MTUS2: variants seen among roughly 807,000 people sequenced by gnomAD.
The protein encoded by MTUS2 is microtubule-associated tumor suppressor candidate 2.
In MTUS2, 40 loss-of-function variants were observed where a neutral mutation model predicts 114.1. That is an observed-to-expected ratio of 0.35 (90% CI 0.27 to 0.46). MTUS2 has a LOEUF of 0.46. Ranked by LOEUF, MTUS2 falls within the 20% of genes least tolerant of loss-of-function variation. MTUS2 has a pLI of 1.00. For missense variants in MTUS2, 1,679 were observed against 1,705.4 expected (o/e 0.98, Z 0.27); for synonymous variants, 688 against 672.0 (o/e 1.02, Z -0.37).
chr13:29,379,539 G>T (rs1026761096), intron 8 of MTUS2, among the ~76,000 whole-genome samples: 4 of 152,134 alleles, frequency 2.6e-5, no homozygotes, highest in Admixed American at 2.6e-4. Flanking sequence ...GGTGTAAAAG[G>T]CAACTCCTCT....
At chr13:29,304,671 T>G (rs1899358239) in intron 6 of MTUS2, among the ~76,000 whole-genome samples, 1 of 152,110 alleles carries the variant, frequency 6.6e-6, no homozygotes, top group Non-Finnish European at 1.5e-5. Flanking sequence ...GGACTTAAAC[T>G]CCCACAGAAT....
chr13:29,484,395 C>G (rs952966375), intron 10 of MTUS2, among the ~76,000 whole-genome samples: 1 of 152,240 alleles, frequency 6.6e-6, no homozygotes, highest in African/African-American at 2.4e-5. Flanking sequence ...GCCCTTGTCT[C>G]TCAGCACCAG....
At chr13:29,122,559 A>G (rs1417577988) in intron 5 of MTUS2, among the ~76,000 whole-genome samples, 3 of 152,120 alleles carry the variant, frequency 2.0e-5, no homozygotes, top group Non-Finnish European at 4.4e-5. Flanking sequence ...GGGCCCTCCC[A>G]TGACATGTGG....
intron 2 of MTUS2, among the ~76,000 whole-genome samples, chr13:29,010,496 T>C (rs1276884555): frequency 6.6e-6 from 1 of 152,124 alleles, no homozygotes; most frequent in Non-Finnish European, 1.5e-5. Context: ...CTTGCCACTT[T>C]CCTAACACGT....
intron 2 of MTUS2, among the ~76,000 whole-genome samples, chr13:28,865,740 A>G (rs1416733945): frequency 1.3e-5 from 2 of 152,170 alleles, no homozygotes; most frequent in East Asian, 3.9e-4. Flanking sequence ...TGATTGAACC[A>G]GCAGAGAAGG....
At chr13:29,073,837 A>T (rs1211940421) in intron 4 of MTUS2, among the ~76,000 whole-genome samples, 5 of 151,442 alleles carry the variant, frequency 3.3e-5, no homozygotes, top group African/African-American at 1.2e-4. Flanking sequence ...TCAGTGGGAC[A>T]TGGTTTAACT....
At chr13:29,200,521 G>GGT (rs1309388936) in intron 5 of MTUS2, among the ~76,000 whole-genome samples, 1 of 85,432 alleles carries the variant, frequency 1.2e-5, no homozygotes, top group African/African-American at 5.0e-5. Context: ...TTCTTTTTCT[G>GGT]TTTTTTTTTT....
chr13:28,847,143 G>T (rs978257517), intron 2 of MTUS2, among the ~76,000 whole-genome samples: 1 of 152,156 alleles, frequency 6.6e-6, no homozygotes, highest in Non-Finnish European at 1.5e-5. Context: ...ATTTAGGATG[G>T]CAAGAGAAGC....
intron 5 of MTUS2, among the ~76,000 whole-genome samples, chr13:29,238,793 T>C (rs1896628578): frequency 6.6e-6 from 1 of 152,190 alleles, no homozygotes; most frequent in Non-Finnish European, 1.5e-5. Flanking sequence ...TGACACTCAG[T>C]ATTAACCATC....
chr13:29,063,363 C>G (rs941698297), intron 4 of MTUS2, among the ~76,000 whole-genome samples: 1 of 152,116 alleles, frequency 6.6e-6, no homozygotes, highest in African/African-American at 2.4e-5. Context: ...TTGTGTCAGA[C>G]TATGCAACCT....
rs559563094 is a variant in MTUS2 at position 29,474,656 on chromosome 13, T to C, written c.3185-5494T>C. 3.7e-4 allele frequency among the ~76,000 whole-genome samples: 57 copies of C among 152,268 alleles called. 1 individual carries two copies. The highest frequency in any genetic ancestry group is 1.4e-3 in the African/African-American group (57 of 41,562). On this transcript the variant is annotated intron_variant, in intron 9 of 15. Coordinates refer to ENST00000612955, the MANE Select transcript of MTUS2 (RefSeq NM_001033602.4). The stretch of plus-strand genomic sequence containing the variant: ...TCATTCCATGATACTACAAAAAGAT[T>C]TGCCTTATTTTTTTTACTGGTTATC...
chr13:28,933,075 C>T (rs1249151681), intron 2 of MTUS2, among the ~76,000 whole-genome samples: 1 of 151,166 alleles, frequency 6.6e-6, no homozygotes, highest in Admixed American at 6.6e-5. Flanking sequence ...TTTCTGTTTA[C>T]TCATTCAATG....
At chr13:29,073,323 C>T (rs1015754960) in intron 4 of MTUS2, among the ~76,000 whole-genome samples, 1 of 152,156 alleles carries the variant, frequency 6.6e-6, no homozygotes, top group Non-Finnish European at 1.5e-5. Context: ...GCTCAGTTAG[C>T]CTCGTGTTTT....
At chr13:29,312,482 T>C (rs1297245417) in intron 6 of MTUS2, among the ~76,000 whole-genome samples, 1 of 152,196 alleles carries the variant, frequency 6.6e-6, no homozygotes, top group Non-Finnish European at 1.5e-5. Flanking sequence ...CTAAATAGAC[T>C]ACATTAGGGA....
intron 8 of MTUS2, among the ~76,000 whole-genome samples, chr13:29,400,791 A>G (rs1874271390): frequency 6.6e-6 from 1 of 152,210 alleles, no homozygotes; most frequent in Non-Finnish European, 1.5e-5. Context: ...TCCCCTAATC[A>G]TTAGAACCTG....
In MTUS2 at chr13:29,052,338, G is replaced by A. The variant is rs541288009; in HGVS notation, c.2446+18213G>A. On this transcript the variant is annotated intron_variant, in intron 4 of 15. Coordinates refer to ENST00000612955, the MANE Select transcript of MTUS2 (RefSeq NM_001033602.4). ...CTCTCTGAAAATACAAAAATTAGCC[G>A]GGCATGGTGGCAGGCACCTGTAATC... Among the ~76,000 whole-genome samples, 29 of 151,732 alleles carry A rather than the reference G, an allele frequency of 1.9e-4. No individual in the cohort carries two copies. In the South Asian group the frequency reaches 3.1e-3, roughly 16 times the overall value.
chr13:29,191,091 T>A (rs1440251326), intron 5 of MTUS2, among the ~76,000 whole-genome samples: 5 of 152,072 alleles, frequency 3.3e-5, no homozygotes, highest in Non-Finnish European at 7.4e-5. Flanking sequence ...TTGTCAGATA[T>A]ACTTGTCCGT....
intron 4 of MTUS2, 48 bp downstream of exon 4, chr13:29,034,173 G>C: frequency 6.2e-7 from 1 of 1,608,642 alleles, no homozygotes. Flanking sequence ...CGTTTAGATA[G>C]TCATCATGTA....
At chr13:29,501,254 A>G in intron 15 of MTUS2, 60 bp downstream of exon 15, 1 of 1,303,896 alleles carries the variant, frequency 7.7e-7, no homozygotes, top group Non-Finnish European at 1.1e-6. Flanking sequence ...TTTTGTTGCA[A>G]CATCCAGTTT....
Sources: gnomAD v4.1 joint callset for allele counts (sites outside exome capture counted in the v4.1 genomes callset) on GRCh38, gnomAD v4.1.1 for gene constraint, MANE v1.5 for transcripts, NCBI Gene and HGNC (gene_info 2026-07-23, HGNC 2026-07-21) for gene names.